The following KAZN variants were observed in gnomAD, a reference collection of about 807,000 sequenced individuals.
The protein encoded by KAZN is kazrin, periplakin interacting protein, also known as kazrin.
A neutral mutation model predicts 87.4 loss-of-function variants in KAZN; 40 were observed. The observed-to-expected ratio is 0.46, with a 90% CI of 0.36 to 0.60. The LOEUF (loss-of-function observed/expected upper bound fraction) is 0.60, where lower values mean the gene tolerates loss of function less well. Among genes scored for constraint, KAZN ranks in the 20% least tolerant of loss-of-function variants. KAZN has a pLI of 0.00. For missense variants in KAZN, 898 were observed against 1,073.9 expected (o/e 0.84, Z 2.29); for synonymous variants, 466 against 458.3 (o/e 1.02, Z -0.22).
chr1:14,169,442 G>A (rs1387751491), intron 1 of KAZN, among the ~76,000 whole-genome samples: 2 of 152,146 alleles, frequency 1.3e-5, no homozygotes, highest in Non-Finnish European at 2.9e-5. Flanking sequence ...GCCTCACTGG[G>A]TGCCTCAGCT....
chr1:14,550,054 G>A (rs551119274), intron 2 of KAZN, among the ~76,000 whole-genome samples: 10 of 152,306 alleles, frequency 6.6e-5, no homozygotes, highest in East Asian at 1.9e-4. Context: ...TTCTGGTTCC[G>A]TTGACAACAT....
intron 1 of KAZN, among the ~76,000 whole-genome samples, chr1:14,750,653 G>T (rs957377550): frequency 6.7e-6 from 1 of 150,076 alleles, no homozygotes; most frequent in Admixed American, 6.6e-5. Flanking sequence ...TCTCTACATA[G>T]CCTGAGGACC....
intron 1 of KAZN, among the ~76,000 whole-genome samples, chr1:14,131,563 A>G (rs1273837056): frequency 6.6e-6 from 1 of 151,952 alleles, no homozygotes; most frequent in East Asian, 1.9e-4. Flanking sequence ...GGAGCTCAAT[A>G]CTTTTCAAGG....
At chr1:14,535,471 T>A (rs1296804779) in intron 2 of KAZN, among the ~76,000 whole-genome samples, 1 of 152,116 alleles carries the variant, frequency 6.6e-6, no homozygotes, top group Non-Finnish European at 1.5e-5. Flanking sequence ...ATTGAGACCA[T>A]CCTGGCCAAC....
chr1:15,016,232 T>C (rs1670085301), intron 2 of KAZN, among the ~76,000 whole-genome samples: 1 of 152,176 alleles, frequency 6.6e-6, no homozygotes, highest in African/African-American at 2.4e-5. Context: ...TTGAAGGGGA[T>C]GTGGCTCTGC....
intron 1 of KAZN, among the ~76,000 whole-genome samples, chr1:13,983,050 A>C (rs949475223): frequency 2.0e-5 from 3 of 152,242 alleles, no homozygotes; most frequent in African/African-American, 7.2e-5. Flanking sequence ...CCTGAGCTAG[A>C]CATAAAGGTT....
intron 1 of KAZN, among the ~76,000 whole-genome samples, chr1:14,676,516 A>G (rs1231641591): frequency 6.6e-6 from 1 of 152,228 alleles, no homozygotes; most frequent in Non-Finnish European, 1.5e-5. Context: ...GAATAAAATA[A>G]TGAATGGGAG....
upstream of KAZN, among the ~76,000 whole-genome samples, chr1:14,596,064 A>C (rs892144577): frequency 2.0e-5 from 3 of 152,190 alleles, no homozygotes; most frequent in African/African-American, 7.2e-5. Context: ...ACTGAAGAGC[A>C]AAATGAGTAA....
At chr1:14,973,821 G>A (rs1665336354) in intron 2 of KAZN, among the ~76,000 whole-genome samples, 1 of 152,232 alleles carries the variant, frequency 6.6e-6, no homozygotes, top group African/African-American at 2.4e-5. Context: ...TCCATTTCTT[G>A]TGGAGATTAC....
chr1:14,369,538 A>C (rs1237954812), intron 2 of KAZN, among the ~76,000 whole-genome samples: 1 of 152,182 alleles, frequency 6.6e-6, no homozygotes. Context: ...GGCATTTAGA[A>C]GGAAGAAAAA....
rs370126920 is a variant in KAZN, at chr1:14,407,410, C to T, written c.250-191573C>T. Among the ~76,000 whole-genome samples the T allele has an allele frequency of 3.5e-4, 54 of 152,254 alleles. No homozygotes were observed. In the South Asian group the frequency reaches 5.4e-3, roughly 15 times the overall value. Reference sequence around the variant, plus strand: ...TGAAAGAAGTCCTTACAAAGACTATCCAACAGGCAAAAGAATCTTGTGGTG... The same window carrying T: ...TGAAAGAAGTCCTTACAAAGACTATTCAACAGGCAAAAGAATCTTGTGGTG... On this transcript the variant is annotated intron_variant, in intron 2 of 16. Coordinates refer to the KAZN transcript ENST00000636203.
chr1:14,763,396 G>GT (rs1182150293), intron 1 of KAZN, among the ~76,000 whole-genome samples: 3 of 152,184 alleles, frequency 2.0e-5, no homozygotes, highest in African/African-American at 4.8e-5. Flanking sequence ...ACTCACCTGT[G>GT]TTCTTGACCG....
chr1:13,952,794 G>GTAGTATCA (rs1302626339), intron 1 of KAZN, among the ~76,000 whole-genome samples: 1 of 152,186 alleles, frequency 6.6e-6, no homozygotes, highest in Non-Finnish European at 1.5e-5. Flanking sequence ...TCAAATACCA[G>GTAGTATCA]TAGTATCAGC....
chr1:14,027,054 C>T lies in KAZN; in HGVS notation c.91+133298C>T, dbSNP rs565124308. 8.6e-4 allele frequency among the ~76,000 whole-genome samples: 131 copies of T among 152,238 alleles called. 1 individual carries two copies. Among genetic ancestry groups the T allele is most frequent in the African/African-American group, 3.1e-3 (129 of 41,526 alleles). ...ATGGGGCATCTGGGGACATGAAAAC[C>T]GTCTTGACATCCTATCAAGAACCTG... is the stretch of plus-strand genomic sequence containing the variant. On this transcript the variant is annotated intron_variant, in intron 1 of 16. Transcript: ENST00000636203.
At chr1:15,090,150 G>C (rs887135825) in intron 8 of KAZN, among the ~76,000 whole-genome samples, 2 of 152,176 alleles carry the variant, frequency 1.3e-5, no homozygotes, top group Non-Finnish European at 2.9e-5. Context: ...ATGGAGAAAC[G>C]GAGGCTTCAA....
chr1:14,519,963 C>T (rs934149069), intron 2 of KAZN, among the ~76,000 whole-genome samples: 8 of 152,190 alleles, frequency 5.3e-5, no homozygotes, highest in Non-Finnish European at 7.3e-5. Flanking sequence ...ATGCTTCCCA[C>T]GAGCCCAGGC....
At chr1:14,477,343 A>C (rs1668795589) in intron 2 of KAZN, among the ~76,000 whole-genome samples, 1 of 150,060 alleles carries the variant, frequency 6.7e-6, no homozygotes, top group Admixed American at 6.6e-5. Context: ...AATCCTTTAA[A>C]CCTCTTTTTC....
chr1:14,466,775 T>C (rs924595020), intron 2 of KAZN, among the ~76,000 whole-genome samples: 13 of 151,926 alleles, frequency 8.6e-5, no homozygotes, highest in East Asian at 3.9e-4. Context: ...GAGACCATCC[T>C]GGCTAACACG....
chr1:14,805,798 TA>T (rs1019149650), intron 1 of KAZN, among the ~76,000 whole-genome samples: 5 of 117,592 alleles, frequency 4.3e-5, no homozygotes, highest in African/African-American at 1.9e-4. Flanking sequence ...ATAATAATAA[TA>T]ATAATAAATT....
Sources: gnomAD v4.1 joint callset for allele counts (sites outside exome capture counted in the v4.1 genomes callset) on GRCh38, gnomAD v4.1.1 for gene constraint, MANE v1.5 for transcripts, NCBI Gene and HGNC (gene_info 2026-07-23, HGNC 2026-07-21) for gene names.